PRCP: variants seen among roughly 807,000 people sequenced by gnomAD.
PRCP encodes the protein lysosomal Pro-X carboxypeptidase.
Under a neutral mutation model 54.2 loss-of-function variants are expected in PRCP, and 46 were observed. The observed-to-expected ratio is 0.85, with a 90% CI of 0.67 to 1.09. The LOEUF (loss-of-function observed/expected upper bound fraction) is 1.09. Among genes scored for constraint, PRCP ranks in the 50% least tolerant of loss-of-function variants. The pLI is 0.00. For synonymous variants in PRCP, 240 were observed against 212.2 expected, an observed-to-expected ratio of 1.13 and a Z score of -1.14; for missense variants, 613 against 596.8, an observed-to-expected ratio of 1.03 and a Z score of -0.28.
At chr11:82,876,764 A>G (rs1039740799) in intron 1 of PRCP, among the ~76,000 whole-genome samples, 4 of 152,138 alleles carry the variant, frequency 2.6e-5, no homozygotes, top group Non-Finnish European at 4.4e-5. Flanking sequence ...TTTTCTTCCC[A>G]GTCCCGGGTA....
At chr11:82,827,843 G>A (rs998217525) in intron 8 of PRCP, 1 of 152,012 alleles carries the variant, frequency 6.6e-6, no homozygotes, top group African/African-American at 2.4e-5. Context: ...TTGAATCTGT[G>A]GATCAACTTG....
intron 8 of PRCP, chr11:82,829,768 A>C (rs1007893262): frequency 6.6e-6 from 1 of 152,224 alleles, no homozygotes. Context: ...AATTTACTGA[A>C]TGAACTTAAA....
intron 1 of PRCP, among the ~76,000 whole-genome samples, chr11:82,866,339 G>A (rs772837030): frequency 3.3e-5 from 5 of 152,146 alleles, no homozygotes; most frequent in Non-Finnish European, 5.9e-5. Flanking sequence ...ACCTTAGAGG[G>A]TCGAGCTTCC....
intron 1 of PRCP, among the ~76,000 whole-genome samples, chr11:82,885,653 T>A (rs1859846823): frequency 1.3e-5 from 2 of 152,118 alleles, no homozygotes; most frequent in Admixed American, 1.3e-4. Context: ...GACTCCCTAG[T>A]CTAAGAGCTG....
At chr11:82,835,578 G>C in intron 8 of PRCP, 1 of 308,716 alleles carries the variant, frequency 3.2e-6, no homozygotes. Context: ...CTTTATGTTA[G>C]ATGAGGAAGG....
intron 2 of PRCP, 63 bp from the exon 3 acceptor site, chr11:82,853,341 T>C: frequency 7.2e-7 from 1 of 1,397,802 alleles, no homozygotes; most frequent in Non-Finnish European, 1.0e-6. Flanking sequence ...ACTGAACCTT[T>C]TGGCAAACCA....
chr11:82,880,755 A>T lies in PRCP; in HGVS notation c.168+19480T>A, dbSNP rs75006344. Among the ~76,000 whole-genome samples the T allele has an allele frequency of 7.7e-4, 117 of 152,330 alleles. 2 individuals are homozygous for T. The East Asian group carries it at 0.021, about 28-fold the overall frequency. ...GCAAGAGCAAAAATATTGAGAAGGAAAACAAAATGGTGAATAAATAAAAGC... is the reference window on the plus strand; with the variant it reads ...GCAAGAGCAAAAATATTGAGAAGGATAACAAAATGGTGAATAAATAAAAGC... On this transcript the variant is annotated intron_variant, in intron 1 of 8. Transcript: ENST00000313010.
chr11:82,835,915 G>T (rs370470574), intron 8 of PRCP: 20 of 393,184 alleles, frequency 5.1e-5, no homozygotes, highest in African/African-American at 3.6e-4. Context: ...AGCTCTAGCC[G>T]GGCGTGGTGG....
chr11:82,850,246 T>C, intron 4 of PRCP, 78 bp downstream of exon 4: 1 of 1,310,948 alleles, frequency 7.6e-7, no homozygotes, highest in Non-Finnish European at 1.0e-6. Flanking sequence ...GCATGGAACA[T>C]GTTTTACCCA....
chr11:82,883,214 A>G (rs1007948173), intron 1 of PRCP, among the ~76,000 whole-genome samples: 20 of 152,186 alleles, frequency 1.3e-4, no homozygotes, highest in Non-Finnish European at 4.4e-5. Flanking sequence ...AGTAGCTATA[A>G]AGTGCAATAA....
chr11:82,875,848 C>T (rs925208206), intron 1 of PRCP, among the ~76,000 whole-genome samples: 10 of 152,168 alleles, frequency 6.6e-5, no homozygotes, highest in Non-Finnish European at 1.3e-4. Flanking sequence ...GCACCCTGCT[C>T]ACCTCTTTTC....
At chr11:82,859,485 A>G (rs936787880) in intron 2 of PRCP, among the ~76,000 whole-genome samples, 2 of 152,176 alleles carry the variant, frequency 1.3e-5, no homozygotes, top group Non-Finnish European at 2.9e-5. Flanking sequence ...ACATACAAAA[A>G]TTCCCACCCT....
intron 2 of PRCP, among the ~76,000 whole-genome samples, chr11:82,855,806 T>C (rs1473846485): frequency 6.6e-6 from 1 of 152,024 alleles, no homozygotes. Context: ...TGAGATACCA[T>C]CTCATACCAG....
chr11:82,875,056 A>T (rs928615868), intron 1 of PRCP, among the ~76,000 whole-genome samples: 54 of 152,096 alleles, frequency 3.6e-4, no homozygotes, highest in African/African-American at 1.2e-3. Context: ...AAAAAGTTAG[A>T]ATCTGTTGAA....
intron 1 of PRCP, among the ~76,000 whole-genome samples, chr11:82,892,118 A>C (rs1860019343): frequency 6.6e-6 from 1 of 152,226 alleles, no homozygotes; most frequent in South Asian, 2.1e-4. Flanking sequence ...ACACAGAGAC[A>C]TCAGTTTTGT....
chr11:82,875,333 A>G (rs1351673018), intron 1 of PRCP, among the ~76,000 whole-genome samples: 2 of 152,248 alleles, frequency 1.3e-5, no homozygotes, highest in Admixed American at 1.3e-4. Flanking sequence ...TCTGAAGACC[A>G]AGTGACCTCA....
intron 6 of PRCP, among the ~76,000 whole-genome samples, chr11:82,848,323 C>G (rs1181007974): frequency 6.6e-6 from 1 of 152,140 alleles, no homozygotes; most frequent in Non-Finnish European, 1.5e-5. Flanking sequence ...TGAAAAGAAC[C>G]TTAAAATTTA....
At chr11:82,850,130 ATATATATG>A in intron 4 of PRCP, 59 bp from the exon 5 acceptor site, 1 of 728,380 alleles carries the variant, frequency 1.4e-6, no homozygotes, top group Non-Finnish European at 1.9e-6. Context: ...TATATATATT[ATATATATG>A]TCATCTAAAT....
rs963692160 is a variant in PRCP at position 82,850,152 on chromosome 11, G to C, written c.594-81C>G. On this transcript the variant is annotated intron_variant, in intron 4 of 8. Coordinates refer to ENST00000313010, the MANE Select transcript of PRCP (RefSeq NM_005040.4). ...ATTATATATATGTCATCTAAATCAA[G>C]TTTTAAAGTTGAAACATAATAAAAA... is the stretch of plus-strand genomic sequence containing the variant. 9 of 896,636 alleles carry C rather than the reference G, an allele frequency of 1.0e-5. No individual in the cohort carries two copies. The African/African-American group carries it at 1.6e-4, about 16-fold the overall frequency. 55.5% of individuals were successfully genotyped at this position (896,636 alleles called of 1,614,324 possible). A position where few individuals can be genotyped will look rare whatever the true frequency, so the allele number is the denominator to read the frequency against.
Sources: allele counts gnomAD v4.1 joint callset (sites outside exome capture counted in the v4.1 genomes callset), GRCh38; gene constraint gnomAD v4.1.1; transcripts MANE v1.5; gene names NCBI Gene and HGNC (gene_info 2026-07-23, HGNC 2026-07-21).